The following CCDC3 variants were observed in gnomAD, a reference collection of about 807,000 sequenced individuals.
The protein encoded by CCDC3 is coiled-coil domain containing 3.
Under a neutral mutation model 21.4 loss-of-function variants are expected in CCDC3, and 24 were observed. That is an observed-to-expected ratio of 1.12 (90% CI 0.81 to 1.58). The LOEUF is 1.58. Among genes scored for constraint, CCDC3 ranks in the 40% most tolerant of loss-of-function variants. The pLI is 0.00. For synonymous variants in CCDC3, 186 were observed against 166.0 expected (o/e 1.12, Z -0.93); for missense variants, 425 against 360.9 (o/e 1.18, Z -1.44).
At chr10:12,938,494 C>T (rs556153742) in intron 2 of CCDC3, among the ~76,000 whole-genome samples, 10 of 152,188 alleles carry the variant, frequency 6.6e-5, no homozygotes, top group Non-Finnish European at 1.3e-4. Flanking sequence ...TGCAGTATAG[C>T]GTGAAAAACT....
chr10:13,048,695 C>T (rs370325628), intron 5 of CCDC3, among the ~76,000 whole-genome samples: 4 of 152,126 alleles, frequency 2.6e-5, no homozygotes, highest in African/African-American at 9.7e-5. Flanking sequence ...CCTCCACAAG[C>T]AGATGAGTCA....
At chr10:12,986,909 G>A (rs1185110971) in intron 2 of CCDC3, among the ~76,000 whole-genome samples, 1 of 152,080 alleles carries the variant, frequency 6.6e-6, no homozygotes, top group Non-Finnish European at 1.5e-5. Context: ...TTCATTTGAT[G>A]GCAAAACAAA....
intron 2 of CCDC3, among the ~76,000 whole-genome samples, chr10:12,967,887 C>G (rs564409621): frequency 1.3e-5 from 2 of 152,130 alleles, no homozygotes; most frequent in Non-Finnish European, 1.5e-5. Flanking sequence ...AGTATAAAGA[C>G]AGGTCGGGCA....
In CCDC3 at chr10:13,035,213, T is replaced by C. The variant is rs1836363771; in HGVS notation, c.-2+14461A>G. ...TAGGTGGAAGCTGCCTCTTCTTGGC[T>C]TTAGTGCATTTTTCTCCTGTTTTTG... On this transcript the variant is annotated intron_variant, in intron 5 of 6. Transcript: ENST00000378839. 2.6e-5 allele frequency among the ~76,000 whole-genome samples: 4 copies of C among 152,134 alleles called. No individual in the cohort carries two copies. The South Asian group carries it at 8.3e-4, about 32-fold the overall frequency.
At chr10:12,948,892 C>CG (rs1834966637) in intron 2 of CCDC3, among the ~76,000 whole-genome samples, 2 of 87,250 alleles carry the variant, frequency 2.3e-5, no homozygotes, top group Admixed American at 2.4e-4. Context: ...CCACCATGCC[C>CG]GGCTAATTTT....
chr10:12,900,966 G>T (rs1033351086), intron 2 of CCDC3, among the ~76,000 whole-genome samples: 1 of 152,170 alleles, frequency 6.6e-6, no homozygotes, highest in African/African-American at 2.4e-5. Flanking sequence ...CCTAAGCTGA[G>T]TCTCTCTCCG....
intron 2 of CCDC3, among the ~76,000 whole-genome samples, chr10:12,991,541 C>T (rs1162526648): frequency 6.6e-6 from 1 of 152,012 alleles, no homozygotes; most frequent in East Asian, 1.9e-4. Context: ...ACCATGTTGG[C>T]GAGGCTGGTC....
chr10:12,961,872 A>G (rs904883176), intron 2 of CCDC3, among the ~76,000 whole-genome samples: 5 of 152,204 alleles, frequency 3.3e-5, no homozygotes, highest in African/African-American at 1.2e-4. Context: ...AAATATGGAG[A>G]AATACCCCCA....
At chr10:13,051,953 A>T (rs751831427) in intron 4 of CCDC3, among the ~76,000 whole-genome samples, 1 of 151,410 alleles carries the variant, frequency 6.6e-6, no homozygotes, top group Non-Finnish European at 1.5e-5. Context: ...ATGACAGAGG[A>T]CTCCTCTCCT....
At chr10:12,975,799 T>C (rs775238711) in intron 2 of CCDC3, among the ~76,000 whole-genome samples, 5 of 152,202 alleles carry the variant, frequency 3.3e-5, no homozygotes, top group African/African-American at 4.8e-5. Context: ...CCTTGAACCA[T>C]GTCAGCAAGG....
intron 5 of CCDC3, among the ~76,000 whole-genome samples, chr10:13,033,027 T>C (rs934816342): frequency 6.6e-6 from 1 of 152,160 alleles, no homozygotes; most frequent in Non-Finnish European, 1.5e-5. Context: ...AGAGCTGCAT[T>C]GCCAAGTCAA....
At chr10:12,995,832 C>T (rs2131283764) in intron 2 of CCDC3, among the ~76,000 whole-genome samples, 1 of 152,320 alleles carries the variant, frequency 6.6e-6, no homozygotes, top group Admixed American at 6.5e-5. Flanking sequence ...AGAAATAGAT[C>T]TGCCTTCAGG....
intron 2 of CCDC3, among the ~76,000 whole-genome samples, chr10:12,920,445 G>A (rs1834432896): frequency 6.6e-6 from 1 of 152,142 alleles, no homozygotes; most frequent in South Asian, 2.1e-4. Flanking sequence ...GACATTTCAG[G>A]GCTGGTTCAT....
chr10:13,021,481 T>C (rs1836143822), intron 5 of CCDC3, among the ~76,000 whole-genome samples: 2 of 152,236 alleles, frequency 1.3e-5, no homozygotes, highest in African/African-American at 4.8e-5. Context: ...ACAAGAGCTC[T>C]TTCCTGTGGC....
intron 2 of CCDC3, among the ~76,000 whole-genome samples, chr10:12,959,176 T>C (rs529122671): frequency 4.2e-4 from 64 of 151,032 alleles, no homozygotes; most frequent in African/African-American, 1.5e-3. Context: ...GCTACAATCT[T>C]TTTTTTTTTG....
Position 13,001,276 on chromosome 10 carries a change from G to A in CCDC3, c.295C>T (p.Leu99Phe), listed in dbSNP as rs1378676100. The change falls in exon 1 of 3, where the codon CTC (leucine) becomes TTC (phenylalanine). Residue 99 changes from leucine (L) to phenylalanine (F), a missense_variant. Leu to Phe is a conservative substitution (Grantham distance 22, BLOSUM62 0). Transcript: ENST00000378825. ...AAGTAGCCCAGGCCGGTGAGGTTGAGCCTGGAGCCGGCGGGCACCTCCAGC... is the reference window on the plus strand; with the variant it reads ...AAGTAGCCCAGGCCGGTGAGGTTGAACCTGGAGCCGGCGGGCACCTCCAGC... ...SMLEVPAGSR[L>F]NLTGLGYFSC... is the part of the protein sequence containing the mutation. 2.5e-6 allele frequency: 4 copies of A among 1,602,840 alleles called. No homozygotes were observed. In the Admixed American group the frequency reaches 5.1e-5, roughly 21 times the overall value.
intron 2 of CCDC3, among the ~76,000 whole-genome samples, chr10:12,948,581 T>C (rs938005810): frequency 6.6e-6 from 1 of 152,100 alleles, no homozygotes; most frequent in Non-Finnish European, 1.5e-5. Flanking sequence ...TATCTCTTTC[T>C]TCAACTCTAA....
At chr10:12,993,725 A>G (rs1379644246) in intron 2 of CCDC3, among the ~76,000 whole-genome samples, 1 of 152,174 alleles carries the variant, frequency 6.6e-6, no homozygotes, top group Non-Finnish European at 1.5e-5. Context: ...ACACCATGAC[A>G]CCGAACCAGA....
chr10:13,072,237 G>A (rs1376977455), intron 4 of CCDC3, among the ~76,000 whole-genome samples: 2 of 152,120 alleles, frequency 1.3e-5, no homozygotes, highest in African/African-American at 2.4e-5. Context: ...CCAGAGCCTC[G>A]GACGATGGCC....
Sources: allele counts gnomAD v4.1 joint callset (sites outside exome capture counted in the v4.1 genomes callset), GRCh38; gene constraint gnomAD v4.1.1; transcripts MANE v1.5; gene names NCBI Gene and HGNC (gene_info 2026-07-23, HGNC 2026-07-21).